ZNF345: variants seen among roughly 807,000 people sequenced by gnomAD.
ZNF345 encodes zinc finger protein HZF10.
For missense variants in ZNF345, 527 were observed against 589.9 expected, an observed-to-expected ratio of 0.89 and a Z score of 1.10; for synonymous variants, 166 against 187.9, an observed-to-expected ratio of 0.88 and a Z score of 0.95.
At chr19:36,867,259 AC>A (rs1304004919) in intron 2 of ZNF345, among the ~76,000 whole-genome samples, 1 of 152,180 alleles carries the variant, frequency 6.6e-6, no homozygotes, top group Non-Finnish European at 1.5e-5. Flanking sequence ...TACTGATGAA[AC>A]AGAACATCTT....
chr19:36,855,160 TG>T (rs2072382566), intron 2 of ZNF345, among the ~76,000 whole-genome samples: 1 of 150,314 alleles, frequency 6.7e-6, no homozygotes. Context: ...CTTTTTTTTT[TG>T]AGACGGAGTC....
chr19:36,885,787 A>G (rs2072992805), intron 3 of ZNF345, among the ~76,000 whole-genome samples: 1 of 152,216 alleles, frequency 6.6e-6, no homozygotes, highest in Non-Finnish European at 1.5e-5. Flanking sequence ...AGTTTGGTGT[A>G]CAGTATGAGA....
At chr19:36,857,437 G>A (rs1400520331) in intron 2 of ZNF345, among the ~76,000 whole-genome samples, 5 of 152,014 alleles carry the variant, frequency 3.3e-5, no homozygotes, top group African/African-American at 1.2e-4. Context: ...CTCCCGAGTA[G>A]CTGGGACTAC....
chr19:36,876,770 T>A lies in ZNF345; in HGVS notation c.-46-15T>A. On this transcript the variant is annotated splice_polypyrimidine_tract_variant and intron_variant, in intron 2 of 2. Coordinates refer to ENST00000420450, the MANE Select transcript of ZNF345 (RefSeq NM_001242472.2). Reference sequence around the variant, plus strand: ...ACACAAAAAAGTGAATGTTTGCTTTTATATTTTCTTTCAGACTATGAATCA... The same window carrying A: ...ACACAAAAAAGTGAATGTTTGCTTTAATATTTTCTTTCAGACTATGAATCA... 6.7e-7 allele frequency: 1 copy of A among 1,488,232 alleles called. No individual in the cohort carries two copies. Among genetic ancestry groups the A allele is most frequent in the Non-Finnish European group, 9.0e-7 (1 of 1,108,572 alleles). 92.2% of individuals were successfully genotyped at this position (1,488,232 alleles called of 1,614,324 possible).
chr19:36,881,038 AG>A (rs1222940246), downstream of ZNF345, among the ~76,000 whole-genome samples: 11 of 152,226 alleles, frequency 7.2e-5, no homozygotes, highest in African/African-American at 2.7e-4. Context: ...GAATAAAAAA[AG>A]CTAGATCAAT....
At chr19:36,884,070 T>G (rs2072983392), downstream of ZNF345, among the ~76,000 whole-genome samples, 1 of 150,766 alleles carries the variant, frequency 6.6e-6, no homozygotes, top group African/African-American at 2.5e-5. Flanking sequence ...ACTTATTTAT[T>G]TTTATTTTTT....
intron 2 of ZNF345, among the ~76,000 whole-genome samples, chr19:36,855,165 C>T (rs529732900): frequency 3.4e-5 from 4 of 116,730 alleles, no homozygotes; most frequent in Non-Finnish European, 5.2e-5. Context: ...TTTTTTGAGA[C>T]GGAGTCTCGC....
chr19:36,858,377 A>G (rs1332464141), intron 2 of ZNF345: 1 of 152,442 alleles, frequency 6.6e-6, no homozygotes, highest in African/African-American at 2.4e-5. Flanking sequence ...CACTGCCACA[A>G]TTGAGAACTG....
chr19:36,863,111 T>G (rs1186208142), intron 2 of ZNF345: 1 of 152,174 alleles, frequency 6.6e-6, no homozygotes, highest in Non-Finnish European at 1.5e-5. Context: ...AACCATCCAG[T>G]CAGTGGTATT....
chr19:36,889,885 C>CT (rs1263151490), intron 3 of ZNF345: 1 of 152,036 alleles, frequency 6.6e-6, no homozygotes. Flanking sequence ...ATTTTTCTAT[C>CT]TTTTTGGTGT....
chr19:36,881,817 T>C (rs2072970020), downstream of ZNF345, among the ~76,000 whole-genome samples: 1 of 152,150 alleles, frequency 6.6e-6, no homozygotes, highest in African/African-American at 2.4e-5. Flanking sequence ...TGAAACCCAC[T>C]TTCAGAGACA....
Position 36,859,093 on chromosome 19 carries a change from A to T in ZNF345, c.-47+7189A>T, listed in dbSNP as rs549426746. 8.8e-3 allele frequency among the ~76,000 whole-genome samples: 811 copies of T among 91,806 alleles called. 7 individuals are homozygous for T. Among genetic ancestry groups the T allele is most frequent in the South Asian group, 0.034 (103 of 3,024 alleles). The allele number at this position is 91,806 out of a possible 152,430, so 60.2% of individuals were successfully genotyped here. A position where few individuals can be genotyped will look rare whatever the true frequency, so the allele number is the denominator to read the frequency against. On this transcript the variant is annotated intron_variant, in intron 2 of 2. Transcript: ENST00000420450. Reference sequence around the variant, plus strand: ...ACGTTTAATCAGCAGTCTTCTTTTTAAAAAAAAAAAAAAACTTTCAAAAGC... The same window carrying T: ...ACGTTTAATCAGCAGTCTTCTTTTTTAAAAAAAAAAAAAACTTTCAAAAGC...
At chr19:36,889,460 A>T (rs575314553) in intron 3 of ZNF345, 1 of 152,032 alleles carries the variant, frequency 6.6e-6, no homozygotes, top group African/African-American at 2.4e-5. Context: ...TCTATTACTG[A>T]TTCAATTTCA....
rs1259504315 is a variant in ZNF345, at chr19:36,879,003, A to AT, written c.*712dup. 1.2e-5 allele frequency: 2 copies of AT among 160,812 alleles called. No homozygotes were observed. The highest frequency in any genetic ancestry group is 2.9e-5 in the Non-Finnish European group (2 of 68,082). 10.0% of individuals were successfully genotyped at this position (160,812 alleles called of 1,614,324 possible). ...AGGCGCCCGCCACCACGCCCAGCTA[A>AT]TTTTTTGTATTTTCATTAGAGATGG... On this transcript the variant is annotated 3_prime_UTR_variant, in exon 3 of 3. Coordinates refer to ENST00000420450, the MANE Select transcript of ZNF345 (RefSeq NM_001242472.2).
intron 3 of ZNF345, among the ~76,000 whole-genome samples, chr19:36,892,647 A>G (rs1328940917): frequency 2.6e-5 from 4 of 152,194 alleles, no homozygotes; most frequent in Non-Finnish European, 5.9e-5. Context: ...AGAGGTAATA[A>G]AAGAAGCTGA....
At position 36,877,472 on chromosome 19, in the gene ZNF345, T is replaced by A. The variant is rs775558372; in HGVS notation, c.642T>A (p.Gly214=). Residue 214 remains glycine (G), a synonymous_variant, in exon 3 of 3, where the codon GGT becomes GGA. Coordinates refer to ENST00000420450, the MANE Select transcript of ZNF345 (RefSeq NM_001242472.2). ...ATTGTGGTAAAGCCTTTGGCAGTGG[T>A]TCAAACCTTACTCAACATCGGCGGA... ...CIDCGKAFGS[G]SNLTQHRRIH... 9.3e-6 allele frequency: 15 copies of A among 1,613,648 alleles called. No homozygotes were observed. The South Asian group carries it at 1.6e-4, about 18-fold the overall frequency.
At chr19:36,868,518 G>C (rs1425371142) in intron 2 of ZNF345, among the ~76,000 whole-genome samples, 2 of 151,876 alleles carry the variant, frequency 1.3e-5, no homozygotes, top group Admixed American at 6.6e-5. Flanking sequence ...CTTTATAATA[G>C]TAAGTTTTAC....
rs1057240704 is a variant in ZNF345, at chr19:36,855,880, T to C, written c.-47+3976T>C. Among the ~76,000 whole-genome samples, 10 of 152,230 alleles carry C rather than the reference T, an allele frequency of 6.6e-5. 1 individual carries two copies. The highest frequency in any genetic ancestry group is 4.1e-4 in the South Asian group (2 of 4,834). ...CTCTTTAGTTCACATATTGTCTTCA[T>C]TGGGAAAAAAGTCATCTCAGATTAT... On this transcript the variant is annotated intron_variant, in intron 2 of 2. Transcript: ENST00000420450.
rs1291955856 is a variant in ZNF345, at chr19:36,851,888, C to G, written c.-63C>G. The G allele has an allele frequency of 6.6e-6, 1 of 152,114 alleles. No homozygotes were observed. The highest frequency in any genetic ancestry group is 1.5e-5 in the Non-Finnish European group (1 of 68,036). The allele number at this position is 152,114 out of a possible 1,614,324, so 9.4% of individuals were successfully genotyped here. A position where few individuals can be genotyped will look rare whatever the true frequency, so the allele number is the denominator to read the frequency against. ...GAGTAAAGAATGGCTGTTGAACATC[C>G]ACAAGGCACCTGCAAGGTAGCTTGT... is the stretch of plus-strand genomic sequence containing the variant. On this transcript the variant is annotated 5_prime_UTR_variant, in exon 2 of 3. Coordinates refer to ENST00000420450, the MANE Select transcript of ZNF345 (RefSeq NM_001242472.2).
Sources: gnomAD v4.1 joint callset for allele counts (sites outside exome capture counted in the v4.1 genomes callset) on GRCh38, gnomAD v4.1.1 for gene constraint, MANE v1.5 for transcripts, NCBI Gene and HGNC (gene_info 2026-07-23, HGNC 2026-07-21) for gene names.